EIF4ENIF1: variants seen among roughly 807,000 people sequenced by gnomAD.
EIF4ENIF1 encodes eukaryotic translation initiation factor 4E transporter.
Under a neutral mutation model 110.5 loss-of-function variants are expected in EIF4ENIF1, and 23 were observed. That is an observed-to-expected ratio of 0.21 (90% CI 0.15 to 0.29). EIF4ENIF1 has a LOEUF of 0.29. EIF4ENIF1 is among the 10% of genes least tolerant of loss of function. The pLI is 1.00. For missense variants in EIF4ENIF1, 1,031 were observed against 1,221.1 expected, an observed-to-expected ratio of 0.84 and a Z score of 2.32; for synonymous variants, 440 against 437.0, an observed-to-expected ratio of 1.01 and a Z score of -0.09.
At chr22:31,463,237 G>A (rs1214284942) in intron 5 of EIF4ENIF1, 104 bp from the exon 6 acceptor site, 6 of 1,126,356 alleles carry the variant, frequency 5.3e-6, no homozygotes, top group Non-Finnish European at 7.6e-6. Context: ...AAGATATGAT[G>A]CTGTATACCT....
At chr22:31,482,203 A>C (rs1369749640) in intron 2 of EIF4ENIF1, among the ~76,000 whole-genome samples, 1 of 151,948 alleles carries the variant, frequency 6.6e-6, no homozygotes, top group East Asian at 1.9e-4. Context: ...AGTTAAACTA[A>C]GATAATTCAA....
chr22:31,446,834 TCTCC>T, intron 14 of EIF4ENIF1: 1 of 290,880 alleles, frequency 3.4e-6, no homozygotes, highest in South Asian at 3.3e-5. Context: ...CTTTCCCTTT[TCTCC>T]CTAACTTATG....
chr22:31,465,120 T>C (rs2051140383), intron 4 of EIF4ENIF1, among the ~76,000 whole-genome samples: 1 of 152,076 alleles, frequency 6.6e-6, no homozygotes, highest in Non-Finnish European at 1.5e-5. Context: ...GGTTAGGAGT[T>C]CGAGACTAGC....
At chr22:31,489,893 C>G (rs548992096), upstream of EIF4ENIF1, 1 of 152,404 alleles carries the variant, frequency 6.6e-6, no homozygotes, top group Non-Finnish European at 1.5e-5. Context: ...CTTAATAACT[C>G]CCTCCACGCA....
At chr22:31,493,219 CAG>C (rs1197399876), upstream of EIF4ENIF1, among the ~76,000 whole-genome samples, 1 of 151,544 alleles carries the variant, frequency 6.6e-6, no homozygotes, top group East Asian at 1.9e-4. Flanking sequence ...TTAGTAGAGA[CAG>C]GGTTTCACCA....
In EIF4ENIF1 at chr22:31,440,841, C is replaced by T. The variant is rs753131201; in HGVS notation, c.2579G>A (p.Ser860Asn). The T allele has an allele frequency of 1.9e-6, 3 of 1,613,980 alleles. No homozygotes were observed. Among genetic ancestry groups the T allele is most frequent in the Non-Finnish European group, 2.5e-6 (3 of 1,179,874 alleles). Reference sequence around the variant, plus strand: ...GGGGCCAGATATTCCCTGTAAATGACTCAAGTCCATCCCAGGAGGAAGCAC... The same window carrying T: ...GGGGCCAGATATTCCCTGTAAATGATTCAAGTCCATCCCAGGAGGAAGCAC... ...TGVLPPGMDL[S>N]HLQGISGPIL... Residue 860 changes from serine (S) to asparagine (N), a missense_variant, in exon 18 of 19, where the codon AGT (serine) becomes AAT (asparagine). Transcript: ENST00000330125.
At chr22:31,440,973 G>A in intron 17 of EIF4ENIF1, 105 bp from the exon 18 acceptor site, 1 of 1,472,180 alleles carries the variant, frequency 6.8e-7, no homozygotes, top group Non-Finnish European at 9.3e-7. Context: ...TAAGAATGAA[G>A]GGCTCTGCGC....
At chr22:31,455,421 T>A in intron 8 of EIF4ENIF1, 106 bp from the exon 9 acceptor site, 1 of 1,030,510 alleles carries the variant, frequency 9.7e-7, no homozygotes, top group Non-Finnish European at 1.3e-6. Context: ...TTCTTTGAGA[T>A]GGAGTTTCGC....
intron 4 of EIF4ENIF1, among the ~76,000 whole-genome samples, chr22:31,465,184 G>C (rs1259589639): frequency 6.6e-6 from 1 of 151,894 alleles, no homozygotes; most frequent in Non-Finnish European, 1.5e-5. Flanking sequence ...TTAGCCAGGC[G>C]TGGTGGTAGG....
chr22:31,449,536 A>G lies in EIF4ENIF1; in HGVS notation c.1585-5T>C. The G allele has an allele frequency of 1.2e-6, 2 of 1,608,472 alleles. No homozygotes were observed. Among genetic ancestry groups the G allele is most frequent in the Non-Finnish European group, 1.7e-6 (2 of 1,178,242 alleles). On this transcript the variant is annotated splice_polypyrimidine_tract_variant and splice_region_variant and intron_variant, in intron 11 of 18. Coordinates refer to ENST00000330125, the MANE Select transcript of EIF4ENIF1 (RefSeq NM_019843.4). ...AACTGGTTGACCCAGAAGTTCCTAA[A>G]GGCAGAAAAGCCAAATCCCTGTGAA...
At chr22:31,450,819 CATACATACACACAT>C (rs765485372) in intron 10 of EIF4ENIF1, 12 of 189,044 alleles carry the variant, frequency 6.3e-5, no homozygotes, top group East Asian at 5.2e-4. Flanking sequence ...CATATACACA[CATACATACACACAT>C]ATATATATAC....
chr22:31,449,621 G>T, intron 11 of EIF4ENIF1, 90 bp from the exon 12 acceptor site: 3 of 1,198,818 alleles, frequency 2.5e-6, no homozygotes, highest in Non-Finnish European at 3.5e-6. Context: ...AGAGCCACAA[G>T]ATGGATCTCC....
chr22:31,456,392 T>C (rs1189281491), intron 7 of EIF4ENIF1, among the ~76,000 whole-genome samples: 1 of 151,550 alleles, frequency 6.6e-6, no homozygotes, highest in Non-Finnish European at 1.5e-5. Flanking sequence ...CCCGGCTAAT[T>C]TTTTGTATTT....
At chr22:31,474,350 C>T (rs150657703) in intron 2 of EIF4ENIF1, among the ~76,000 whole-genome samples, 9 of 152,216 alleles carry the variant, frequency 5.9e-5, no homozygotes, top group African/African-American at 1.2e-4. Flanking sequence ...CGTGAGCCAC[C>T]GTGCCCGGCT....
At chr22:31,469,563 T>A (rs2051294686) in intron 3 of EIF4ENIF1, among the ~76,000 whole-genome samples, 1 of 152,212 alleles carries the variant, frequency 6.6e-6, no homozygotes, top group South Asian at 2.1e-4. Flanking sequence ...ATCTAGCATT[T>A]AAGAGCCCAA....
intron 3 of EIF4ENIF1, among the ~76,000 whole-genome samples, chr22:31,468,622 TA>T (rs778955608): frequency 1.6e-4 from 24 of 152,174 alleles, no homozygotes; most frequent in Non-Finnish European, 2.4e-4. Flanking sequence ...CTCTAACTCC[TA>T]ACCTCAAGTA....
chr22:31,466,134 C>G (rs1191456165), intron 4 of EIF4ENIF1, among the ~76,000 whole-genome samples: 1 of 152,016 alleles, frequency 6.6e-6, no homozygotes, highest in Non-Finnish European at 1.5e-5. Flanking sequence ...AAATTGGGGC[C>G]AGGCACGGTG....
chr22:31,448,034 C>T (rs2050529916), intron 13 of EIF4ENIF1, 119 bp downstream of exon 13: 1 of 1,093,874 alleles, frequency 9.1e-7, no homozygotes, highest in African/African-American at 1.5e-5. Flanking sequence ...CGGGCATGAG[C>T]CACTATGCCT....
At chr22:31,480,046 C>T (rs554118531) in intron 2 of EIF4ENIF1, among the ~76,000 whole-genome samples, 10 of 152,130 alleles carry the variant, frequency 6.6e-5, no homozygotes, top group African/African-American at 1.2e-4. Context: ...TTACTGATCA[C>T]GAATGAATTC....
Sources: allele counts gnomAD v4.1 joint callset (sites outside exome capture counted in the v4.1 genomes callset), GRCh38; gene constraint gnomAD v4.1.1; transcripts MANE v1.5; gene names NCBI Gene and HGNC (gene_info 2026-07-23, HGNC 2026-07-21).